Variants in MGMT observed in about 807,000 individuals in gnomAD.
The protein encoded by MGMT is O-6-methylguanine-DNA methyltransferase.
MGMT carries 14 observed loss-of-function variants against 15.9 expected under a neutral mutation model. The ratio of observed to expected loss-of-function variants is 0.88; its 90% CI spans 0.58 to 1.37. The LOEUF (loss-of-function observed/expected upper bound fraction) is 1.37. Among genes scored for constraint, MGMT ranks in the 40% most tolerant of loss-of-function variants. The pLI is 0.00. For synonymous variants in MGMT, 130 were observed against 118.2 expected (o/e 1.10, Z -0.65); for missense variants, 282 against 268.1 (o/e 1.05, Z -0.36).
chr10:129,540,227 G>T (rs1331436419), intron 2 of MGMT, among the ~76,000 whole-genome samples: 1 of 152,150 alleles, frequency 6.6e-6, no homozygotes, highest in African/African-American at 2.4e-5. Context: ...CTTGTATGTT[G>T]ATCTTATATT....
Position 129,533,814 on chromosome 10 carries a change from G to A in MGMT, c.-12-2427G>A, listed in dbSNP as rs960331658. On this transcript the variant is annotated intron_variant, in intron 1 of 4. Coordinates refer to ENST00000651593, the MANE Select transcript of MGMT (RefSeq NM_002412.5). This position sits in a 1 kb window ranked among gnomAD's most constrained non-coding sequence, Gnocchi z 4.5. Reference sequence around the variant, plus strand: ...GGGATGGTGGGAGATGTCTGCAGGCGCAGGGCGGAGGCTGTGGGCCAAGAT... The same window carrying A: ...GGGATGGTGGGAGATGTCTGCAGGCACAGGGCGGAGGCTGTGGGCCAAGAT... 5.3e-5 allele frequency among the ~76,000 whole-genome samples: 8 copies of A among 152,196 alleles called. No individual in the cohort carries two copies. The highest frequency in any genetic ancestry group is 2.0e-4 in the Admixed American group (3 of 15,290).
At chr10:129,493,861 C>T (rs1489267869) in intron 1 of MGMT, among the ~76,000 whole-genome samples, 4 of 152,190 alleles carry the variant, frequency 2.6e-5, no homozygotes, top group African/African-American at 4.8e-5. Context: ...AGAGGCTTGT[C>T]TTATACGCAT....
At chr10:129,666,945 ATG>A (rs1847665863) in intron 2 of MGMT, among the ~76,000 whole-genome samples, 1 of 152,224 alleles carries the variant, frequency 6.6e-6, no homozygotes, top group African/African-American at 2.4e-5. Context: ...AAACCAGTGC[ATG>A]TTGAAGGCTT....
intron 3 of MGMT, among the ~76,000 whole-genome samples, chr10:129,745,773 A>C (rs1017171994): frequency 6.6e-6 from 1 of 152,110 alleles, no homozygotes; most frequent in Non-Finnish European, 1.5e-5. Context: ...GGAAGTGTCA[A>C]TTCAAGTCTT....
chr10:129,526,493 A>G (rs1417813209), intron 1 of MGMT, among the ~76,000 whole-genome samples: 1 of 152,096 alleles, frequency 6.6e-6, no homozygotes, highest in Non-Finnish European at 1.5e-5. Context: ...TAAACAGCTT[A>G]CAAGGAGGCT....
intron 1 of MGMT, among the ~76,000 whole-genome samples, chr10:129,535,852 T>A (rs1334979186): frequency 1.3e-5 from 2 of 152,252 alleles, no homozygotes; most frequent in Admixed American, 1.3e-4. Context: ...ACAGTTTGTC[T>A]TCGGGATTTA....
intron 1 of MGMT, among the ~76,000 whole-genome samples, chr10:129,535,445 T>G (rs1231935572): frequency 6.6e-6 from 1 of 152,218 alleles, no homozygotes; most frequent in Non-Finnish European, 1.5e-5. Context: ...TATAGATGTG[T>G]TCCCCTGTAT....
intron 1 of MGMT, among the ~76,000 whole-genome samples, chr10:129,503,548 T>C (rs925278308): frequency 3.3e-5 from 5 of 152,250 alleles, no homozygotes; most frequent in African/African-American, 1.2e-4. Flanking sequence ...GGTGAGTTAT[T>C]GCTTTAATGT....
At chr10:129,719,202 G>A (rs1402246408) in intron 3 of MGMT, among the ~76,000 whole-genome samples, 3 of 152,148 alleles carry the variant, frequency 2.0e-5, no homozygotes, top group South Asian at 2.1e-4. Context: ...TCACCTTCCC[G>A]GGCTGTCTAG....
At position 129,543,156 on chromosome 10, in the gene MGMT, A is replaced by C. The variant is rs534792826; in HGVS notation, c.125+6779A>C. On this transcript the variant is annotated intron_variant, in intron 2 of 4. Transcript: ENST00000651593. ...CTGGCCCCCGGACACACAGTGCTGC[A>C]CATGGGGCCTGCAGAGGTGTTAGCG... Among the ~76,000 whole-genome samples the C allele has an allele frequency of 7.2e-5, 11 of 152,330 alleles. No individual in the cohort carries two copies. The East Asian group carries it at 1.4e-3, about 19-fold the overall frequency.
chr10:129,583,627 A>T (rs1320016901), intron 2 of MGMT, among the ~76,000 whole-genome samples: 1 of 152,036 alleles, frequency 6.6e-6, no homozygotes, highest in Admixed American at 6.5e-5. Context: ...ATTGCATCTG[A>T]TACATCCCCC....
At chr10:129,656,365 G>C (rs752413325) in intron 2 of MGMT, among the ~76,000 whole-genome samples, 1 of 152,226 alleles carries the variant, frequency 6.6e-6, no homozygotes, top group Non-Finnish European at 1.5e-5. Context: ...GCATCTCCCT[G>C]GGAGTTCCTT....
rs117948076 is a variant in MGMT, at chr10:129,667,812, C to T, written c.126-40083C>T. Among the ~76,000 whole-genome samples, 648 of 152,274 alleles carry T rather than the reference C, an allele frequency of 4.3e-3. 4 individuals are homozygous for T. Among genetic ancestry groups the T allele is most frequent in the Non-Finnish European group, 7.2e-3 (489 of 68,030 alleles). ...CATTCTTGTGTTTGTGTTCATGTATCTCATTGTGGTTTTAATTTTCATTTC... is the reference window on the plus strand; with the variant it reads ...CATTCTTGTGTTTGTGTTCATGTATTTCATTGTGGTTTTAATTTTCATTTC... On this transcript the variant is annotated intron_variant, in intron 2 of 4. Coordinates refer to ENST00000651593, the MANE Select transcript of MGMT (RefSeq NM_002412.5).
At chr10:129,468,987 C>G (rs1845201570) in intron 1 of MGMT, among the ~76,000 whole-genome samples, 1 of 152,108 alleles carries the variant, frequency 6.6e-6, no homozygotes, top group African/African-American at 2.4e-5. Context: ...AGAAATAGAG[C>G]CCTAGGTATA....
chr10:129,717,954 G>A (rs371591226), intron 3 of MGMT: 3 of 152,286 alleles, frequency 2.0e-5, no homozygotes, highest in East Asian at 3.9e-4. Context: ...TCTGGTCTGC[G>A]GGGCTGGCCT....
At chr10:129,487,453 A>G (rs1252393476) in intron 1 of MGMT, among the ~76,000 whole-genome samples, 1 of 152,056 alleles carries the variant, frequency 6.6e-6, no homozygotes, top group African/African-American at 2.4e-5. Context: ...TATGGTATAT[A>G]CACTATATTA....
At chr10:129,501,334 C>T (rs963755146) in intron 1 of MGMT, among the ~76,000 whole-genome samples, 16 of 152,266 alleles carry the variant, frequency 1.1e-4, no homozygotes, top group African/African-American at 3.9e-4. Context: ...AAAGGTTGGA[C>T]CTCCACATAT....
At chr10:129,518,203 T>C (rs541128422) in intron 1 of MGMT, among the ~76,000 whole-genome samples, 1 of 152,094 alleles carries the variant, frequency 6.6e-6, no homozygotes, top group African/African-American at 2.4e-5. Flanking sequence ...AAATTTTTCA[T>C]CTCTGAAATT....
At chr10:129,564,486 T>TTCCTCCTCCCC (rs1196772289) in intron 2 of MGMT, among the ~76,000 whole-genome samples, 5 of 67,414 alleles carry the variant, frequency 7.4e-5, no homozygotes, top group African/African-American at 3.0e-4. Flanking sequence ...TCCTCCTCCC[T>TTCCTCCTCCCC]TCCTCCTCCC....
Sources: gnomAD v4.1 joint callset for allele counts (sites outside exome capture counted in the v4.1 genomes callset) on GRCh38, gnomAD v4.1.1 for gene constraint, Gnocchi (gnomAD v3.1) non-coding constraint, MANE v1.5 for transcripts, NCBI Gene and HGNC (gene_info 2026-07-23, HGNC 2026-07-21) for gene names.